Variants in STT3B observed in about 807,000 individuals in gnomAD.
The protein encoded by STT3B is dolichyl-diphosphooligosaccharide--protein glycosyltransferase subunit STT3B.
A neutral mutation model predicts 96.8 loss-of-function variants in STT3B; 29 were observed. The ratio of observed to expected loss-of-function variants is 0.30; its 90% confidence interval spans 0.22 to 0.41. STT3B has a LOEUF of 0.41. Among genes scored for constraint, STT3B ranks in the 10% least tolerant of loss-of-function variants. The pLI is 1.00. For synonymous variants in STT3B, 367 were observed against 360.0 expected (o/e 1.02, Z -0.22); for missense variants, 640 against 1,022.3 (o/e 0.63, Z 5.10).
At chr3:31,614,897 A>G (rs1407374627) in intron 5 of STT3B, among the ~76,000 whole-genome samples, 1 of 152,122 alleles carries the variant, frequency 6.6e-6, no homozygotes, top group Non-Finnish European at 1.5e-5. Context: ...TCTGCAAAAT[A>G]TAGTACTTAG....
intron 1 of STT3B, among the ~76,000 whole-genome samples, chr3:31,568,320 C>G (rs1575417913): frequency 1.3e-5 from 2 of 152,260 alleles, no homozygotes; most frequent in Middle Eastern, 3.4e-3. Context: ...CTGCAATAAA[C>G]ATGAGAGTGC....
rs577370035 is a variant in STT3B at position 31,536,174 on chromosome 3, G to A, written c.314+2862G>A. Among the ~76,000 whole-genome samples, 26 of 152,258 alleles carry A rather than the reference G, an allele frequency of 1.7e-4. No individual in the cohort carries two copies. In the South Asian group the frequency reaches 3.9e-3, roughly 23 times the overall value. ...TTTTTGAAAAGGTTAAAAGGAGGGG[G>A]ATGTGTAGATTGCCTGCCATTATTA... On this transcript the variant is annotated intron_variant, in intron 1 of 15. Transcript: ENST00000295770.
chr3:31,546,834 C>A (rs547594095), intron 1 of STT3B, among the ~76,000 whole-genome samples: 1 of 152,134 alleles, frequency 6.6e-6, no homozygotes, highest in African/African-American at 2.4e-5. Context: ...GTCCTTAAAG[C>A]AATCCTATTA....
chr3:31,596,512 A>G (rs1331382415), intron 3 of STT3B, among the ~76,000 whole-genome samples: 2 of 152,098 alleles, frequency 1.3e-5, no homozygotes, highest in Non-Finnish European at 2.9e-5. Context: ...AGTGAGGGCA[A>G]GAGACTTTGC....
At chr3:31,566,802 A>G (rs908549668) in intron 1 of STT3B, among the ~76,000 whole-genome samples, 7 of 152,052 alleles carry the variant, frequency 4.6e-5, no homozygotes, top group Non-Finnish European at 1.0e-4. Context: ...TCAAACTGTA[A>G]TTACCTGGTT....
chr3:31,631,432 T>G (rs891191488), intron 14 of STT3B, among the ~76,000 whole-genome samples: 10 of 152,228 alleles, frequency 6.6e-5, no homozygotes, highest in Non-Finnish European at 1.3e-4. Context: ...TCTGATTAGT[T>G]TCTCTGCTCA....
chr3:31,623,744 G>C lies in STT3B; in HGVS notation c.1610G>C (p.Ser537Thr). 1.2e-6 allele frequency: 2 copies of C among 1,614,014 alleles called. No homozygotes were observed. Among genetic ancestry groups the C allele is most frequent in the South Asian group, 2.2e-5 (2 of 91,068 alleles). Residue 537 changes from serine to threonine, a missense_variant, in exon 11 of 16, where the codon AGC becomes ACC. Physicochemically the swap from Ser to Thr is moderately conservative, Grantham distance 58. This residue lies in a region of STT3B where 149 missense variants were observed against 250.2 expected (regional missense o/e 0.60). Coordinates refer to ENST00000295770, the MANE Select transcript of STT3B (RefSeq NM_178862.3). ...TEEGLGPNIK[S>T]IVTMLMLMLL... ...GAGGGATTAGGCCCTAATATAAAAAGCATTGTCACCATGTTGATGCTGATG... is the reference window on the plus strand; with the variant it reads ...GAGGGATTAGGCCCTAATATAAAAACCATTGTCACCATGTTGATGCTGATG...
At chr3:31,569,402 C>T (rs1281810246) in intron 1 of STT3B, among the ~76,000 whole-genome samples, 1 of 152,088 alleles carries the variant, frequency 6.6e-6, no homozygotes, top group East Asian at 1.9e-4. Context: ...TTCTTGCTAC[C>T]TTAGGAGACG....
chr3:31,546,826 C>G (rs896767859), intron 1 of STT3B, among the ~76,000 whole-genome samples: 3 of 152,088 alleles, frequency 2.0e-5, no homozygotes, highest in African/African-American at 7.2e-5. Context: ...CCTAATTGGT[C>G]CTTAAAGCAA....
chr3:31,632,879 T>C, intron 14 of STT3B, 56 bp from the exon 15 acceptor site: 3 of 1,470,708 alleles, frequency 2.0e-6, no homozygotes, highest in Non-Finnish European at 2.8e-6. Flanking sequence ...TACTGTCTTA[T>C]AACACTGAAT....
chr3:31,592,033 G>C (rs1698675752), intron 3 of STT3B, among the ~76,000 whole-genome samples: 1 of 151,904 alleles, frequency 6.6e-6, no homozygotes, highest in South Asian at 2.1e-4. Context: ...TAAGTACATT[G>C]ATTATGCAAC....
intron 5 of STT3B, among the ~76,000 whole-genome samples, chr3:31,609,342 TACCTAAC>T (rs912225730): frequency 8.5e-5 from 13 of 152,208 alleles, no homozygotes; most frequent in African/African-American, 3.1e-4. Flanking sequence ...TGAGGATCAT[TACCTAAC>T]ACCTCTTAAG....
At chr3:31,533,478 C>T in intron 1 of STT3B, 166 bp downstream of exon 1, 1 of 866,496 alleles carries the variant, frequency 1.2e-6, no homozygotes, top group Non-Finnish European at 1.5e-6. Context: ...CGCCCCCTGC[C>T]CGTGGGCGAA....
intron 1 of STT3B, among the ~76,000 whole-genome samples, chr3:31,537,904 C>T (rs1697142261): frequency 6.6e-6 from 1 of 152,032 alleles, no homozygotes; most frequent in South Asian, 2.1e-4. Flanking sequence ...CACGTGCTCT[C>T]CGAAATGAAG....
At chr3:31,627,628 A>T (rs1699564477) in intron 13 of STT3B, among the ~76,000 whole-genome samples, 1 of 152,252 alleles carries the variant, frequency 6.6e-6, no homozygotes, top group African/African-American at 2.4e-5. Flanking sequence ...TGTGATGCAG[A>T]TGAAGTAAAG....
intron 1 of STT3B, among the ~76,000 whole-genome samples, chr3:31,572,257 G>A (rs1031217982): frequency 3.4e-5 from 5 of 146,944 alleles, no homozygotes; most frequent in African/African-American, 1.2e-4. Context: ...GTTCTTATAT[G>A]TAATTACTCA....
chr3:31,599,069 A>G (rs528185020), intron 4 of STT3B, among the ~76,000 whole-genome samples: 3 of 152,252 alleles, frequency 2.0e-5, no homozygotes, highest in South Asian at 4.2e-4. Context: ...TCGGCCTCCC[A>G]AAGTGCTGGG....
At chr3:31,630,003 TTCTGTCAAGTCATGTAACTC>T (rs1699621290) in intron 14 of STT3B, among the ~76,000 whole-genome samples, 1 of 152,168 alleles carries the variant, frequency 6.6e-6, no homozygotes, top group Non-Finnish European at 1.5e-5. Context: ...TTCGATCAGG[TTCTGTCAAGTCATGTAACTC>T]TCAGACAATT....
At chr3:31,616,867 A>G in intron 6 of STT3B, 62 bp from the exon 7 acceptor site, 1 of 1,460,362 alleles carries the variant, frequency 6.8e-7, no homozygotes, top group Non-Finnish European at 9.3e-7. Flanking sequence ...CTTTCAAATG[A>G]AAGTTTTTAA....
Sources: allele counts gnomAD v4.1 joint callset (sites outside exome capture counted in the v4.1 genomes callset), GRCh38; gene constraint gnomAD v4.1.1; regional missense constraint gnomAD v4.1.1; transcripts MANE v1.5; gene names NCBI Gene and HGNC (gene_info 2026-07-23, HGNC 2026-07-21).